Variants in LRBA observed in about 807,000 individuals in gnomAD.
The protein encoded by LRBA is LPS responsive beige-like anchor protein, also known as lipopolysaccharide-responsive and beige-like anchor protein.
In LRBA, 176 loss-of-function variants were observed where a neutral mutation model predicts 330.0. That is an observed-to-expected ratio of 0.53 (90% CI 0.47 to 0.60). The LOEUF is 0.60. LRBA is among the 20% of genes least tolerant of loss of function. The pLI is 0.00. For synonymous variants in LRBA, 1,230 were observed against 1,193.0 expected, an observed-to-expected ratio of 1.03 and a Z score of -0.64; for missense variants, 3,259 against 3,444.8, an observed-to-expected ratio of 0.95 and a Z score of 1.35.
chr4:150,847,583 T>C (rs1337885603), intron 26 of LRBA, among the ~76,000 whole-genome samples: 1 of 152,216 alleles, frequency 6.6e-6, no homozygotes, highest in East Asian at 1.9e-4. Flanking sequence ...ATAGGTGCTT[T>C]ATCTCTTCAT....
intron 40 of LRBA, among the ~76,000 whole-genome samples, chr4:150,555,569 T>C (rs1273990901): frequency 1.3e-5 from 2 of 152,022 alleles, no homozygotes; most frequent in East Asian, 3.9e-4. Context: ...GCCAACATGG[T>C]GAAACGCCAT....
chr4:150,678,218 G>C (rs996086970), intron 37 of LRBA, among the ~76,000 whole-genome samples: 2 of 151,126 alleles, frequency 1.3e-5, no homozygotes, highest in African/African-American at 4.9e-5. Flanking sequence ...TCCGGCCTGG[G>C]TGACAGAGTG....
At chr4:150,552,377 C>T (rs1156701899) in intron 40 of LRBA, among the ~76,000 whole-genome samples, 3 of 152,026 alleles carry the variant, frequency 2.0e-5, no homozygotes, top group African/African-American at 7.3e-5. Flanking sequence ...ATTTATGCAG[C>T]CAAAAGACAC....
chr4:150,583,602 C>T lies in LRBA; in HGVS notation c.6330+4446G>A. On this transcript the variant is annotated intron_variant, in intron 40 of 56. Coordinates refer to ENST00000651943, the MANE Select transcript of LRBA (RefSeq NM_001364905.1). The surrounding 1 kb of genome is among the most constrained non-coding windows in gnomAD (Gnocchi z 9.8). ...GCGCGGCACAGTGGCCTATGCCCCACATCCCTTGGCCCGGCCCCAATCGGG... is the reference window on the plus strand; with the variant it reads ...GCGCGGCACAGTGGCCTATGCCCCATATCCCTTGGCCCGGCCCCAATCGGG... The T allele has an allele frequency of 6.2e-7, 1 of 1,614,040 alleles. No homozygotes were observed. The highest frequency in any genetic ancestry group is 8.5e-7 in the Non-Finnish European group (1 of 1,180,014).
intron 46 of LRBA, among the ~76,000 whole-genome samples, chr4:150,420,348 TACACATTATA>T (rs1748496992): frequency 2.1e-5 from 3 of 144,434 alleles, no homozygotes; most frequent in African/African-American, 5.1e-5. Context: ...GTATATATAA[TACACATTATA>T]GTATAAAGTA....
intron 31 of LRBA, 145 bp from the exon 32 acceptor site, chr4:150,808,543 CAATT>C: frequency 1.8e-6 from 1 of 559,024 alleles, no homozygotes; most frequent in Non-Finnish European, 3.1e-6. Flanking sequence ...TAAAATCTAA[CAATT>C]AACAACTAAA....
At chr4:150,514,026 A>G (rs887737590) in intron 40 of LRBA, among the ~76,000 whole-genome samples, 22 of 152,122 alleles carry the variant, frequency 1.4e-4, no homozygotes, top group African/African-American at 5.3e-4. Flanking sequence ...GGCAAGATAA[A>G]TTGTTAGCTT....
intron 40 of LRBA, among the ~76,000 whole-genome samples, chr4:150,556,970 G>T (rs1767401946): frequency 6.6e-6 from 1 of 152,134 alleles, no homozygotes; most frequent in African/African-American, 2.4e-5. Context: ...TAATTAAAAG[G>T]ACGTTTGTTA....
intron 48 of LRBA, among the ~76,000 whole-genome samples, chr4:150,349,694 C>T (rs1409475946): frequency 6.6e-6 from 1 of 151,918 alleles, no homozygotes; most frequent in African/African-American, 2.4e-5. Context: ...TTACTATTTT[C>T]CTACAAAAAT....
rs139832234 is a variant in LRBA at position 150,878,745 on chromosome 4, T to C, written c.2166-5990A>G. 4.7e-3 allele frequency among the ~76,000 whole-genome samples: 712 copies of C among 151,816 alleles called. 7 individuals are homozygous for C. The highest frequency in any genetic ancestry group is 0.016 in the African/African-American group (677 of 41,394). On this transcript the variant is annotated intron_variant, in intron 17 of 56. Coordinates refer to ENST00000651943, the MANE Select transcript of LRBA (RefSeq NM_001364905.1). The stretch of plus-strand genomic sequence containing the variant: ...CACAAACTAGAAAATCTATAGGAAA[T>C]GGATAAATTCATAGAAACACAAAAT...
At chr4:150,500,488 G>T (rs1465284595) in intron 40 of LRBA, among the ~76,000 whole-genome samples, 1 of 152,116 alleles carries the variant, frequency 6.6e-6, no homozygotes, top group East Asian at 1.9e-4. Context: ...TGAGACAGGA[G>T]AATTCCTTGA....
At chr4:150,464,468 T>G (rs1755183494) in intron 44 of LRBA, among the ~76,000 whole-genome samples, 1 of 152,128 alleles carries the variant, frequency 6.6e-6, no homozygotes, top group Admixed American at 6.6e-5. Context: ...AGTCCTCATT[T>G]ATTAGACTAC....
chr4:150,296,494 A>T lies in LRBA; in HGVS notation c.8017+6131T>A, dbSNP rs1198943238. ...AAAATTACTGTTAAAAAATTACCAGATAAATGAAATGTAATGATATACTTA... is the reference window on the plus strand; with the variant it reads ...AAAATTACTGTTAAAAAATTACCAGTTAAATGAAATGTAATGATATACTTA... On this transcript the variant is annotated intron_variant, in intron 53 of 56. Transcript: ENST00000651943. Among the ~76,000 whole-genome samples the T allele has an allele frequency of 2.0e-5, 3 of 152,220 alleles. No individual in the cohort carries two copies. The East Asian group carries it at 5.8e-4, about 29-fold the overall frequency.
At chr4:150,917,924 T>C (rs1732819708) in intron 5 of LRBA, among the ~76,000 whole-genome samples, 1 of 151,570 alleles carries the variant, frequency 6.6e-6, no homozygotes, top group African/African-American at 2.4e-5. Context: ...AACAAAAATC[T>C]GTCTCAAAAA....
At chr4:150,646,103 A>G (rs1779113005) in intron 37 of LRBA, among the ~76,000 whole-genome samples, 1 of 151,926 alleles carries the variant, frequency 6.6e-6, no homozygotes, top group Non-Finnish European at 1.5e-5. Context: ...AAGTTTTACA[A>G]TCTCTGATAT....
intron 40 of LRBA, among the ~76,000 whole-genome samples, chr4:150,501,965 C>T (rs1057254407): frequency 1.1e-4 from 17 of 152,128 alleles, no homozygotes; most frequent in East Asian, 5.8e-4. Flanking sequence ...AATAGAGAAA[C>T]GTAGTTAGAA....
At chr4:150,529,333 G>A (rs749865183) in intron 40 of LRBA, among the ~76,000 whole-genome samples, 3 of 152,078 alleles carry the variant, frequency 2.0e-5, no homozygotes, top group African/African-American at 4.8e-5. Flanking sequence ...AAATTTCCAG[G>A]TATCCAAGTA....
intron 47 of LRBA, among the ~76,000 whole-genome samples, chr4:150,358,309 A>C (rs1171001886): frequency 6.6e-6 from 1 of 152,102 alleles, no homozygotes; most frequent in African/African-American, 2.4e-5. Context: ...CCCAGGACTA[A>C]TAACCTCCTA....
At chr4:150,624,321 A>C (rs981370325) in intron 37 of LRBA, among the ~76,000 whole-genome samples, 1 of 152,006 alleles carries the variant, frequency 6.6e-6, no homozygotes, top group African/African-American at 2.4e-5. Flanking sequence ...AAAAAAAAAA[A>C]AAAAATTGAA....
Sources: allele counts gnomAD v4.1 joint callset (sites outside exome capture counted in the v4.1 genomes callset), GRCh38; gene constraint gnomAD v4.1.1; non-coding constraint Gnocchi (gnomAD v3.1); transcripts MANE v1.5; gene names NCBI Gene and HGNC (gene_info 2026-07-23, HGNC 2026-07-21).